The following LAMB4 variants were observed in gnomAD, a reference collection of about 807,000 sequenced individuals.
LAMB4 encodes laminin subunit beta-4.
In LAMB4, 196 loss-of-function variants were observed where a neutral mutation model predicts 199.2. The observed-to-expected ratio is 0.98, with a 90% CI of 0.88 to 1.11. The LOEUF is 1.11. Ranked by LOEUF, LAMB4 falls within the 50% of genes least tolerant of loss-of-function variation. The pLI is 0.00. For synonymous variants in LAMB4, 744 were observed against 770.6 expected (o/e 0.97, Z 0.57); for missense variants, 2,080 against 2,171.2 (o/e 0.96, Z 0.83).
intron 14 of LAMB4, among the ~76,000 whole-genome samples, chr7:108,081,100 C>T (rs921975018): frequency 1.4e-4 from 22 of 152,090 alleles, no homozygotes; most frequent in Non-Finnish European, 2.9e-4. Flanking sequence ...CCAGCCTGGG[C>T]GACAGAGCGA....
intron 28 of LAMB4, among the ~76,000 whole-genome samples, chr7:108,046,995 G>A (rs1181755163): frequency 1.3e-5 from 2 of 151,790 alleles, no homozygotes; most frequent in Non-Finnish European, 2.9e-5. Context: ...TTGAACCCCT[G>A]GGCTCAAGGG....
At chr7:108,082,389 C>G (rs1037277347) in intron 14 of LAMB4, among the ~76,000 whole-genome samples, 1 of 149,982 alleles carries the variant, frequency 6.7e-6, no homozygotes, top group Non-Finnish European at 1.5e-5. Flanking sequence ...GAATTACCAG[C>G]TTAGGTAAAT....
chr7:108,109,019 TCA>T, intron 5 of LAMB4, 150 bp downstream of exon 5: 1 of 617,178 alleles, frequency 1.6e-6, no homozygotes, highest in Non-Finnish European at 2.9e-6. Context: ...TTTTTTTTCT[TCA>T]TGTAAGAGTC....
rs1266972674 is a variant in LAMB4, at chr7:108,062,874, C to T, written c.3182G>A (p.Cys1061Tyr). ...CCAGTATCCATCAGCACAACGGTCA[C>T]AGGCCAGGCCTGTGACATTCGGCAG... ...PCLPNVTGLA[C>Y]DRCADGYWNL... The change falls in exon 23 of 34, where the codon TGT becomes TAT. Residue 1061 changes from cysteine (C) to tyrosine (Y), a missense_variant. By Grantham distance (194) the Cys-to-Tyr change is radical. Transcript: ENST00000388781. The T allele has an allele frequency of 1.9e-6, 3 of 1,596,832 alleles. No individual in the cohort carries two copies. Among genetic ancestry groups the T allele is most frequent in the Non-Finnish European group, 1.7e-6 (2 of 1,172,976 alleles).
chr7:108,047,975 TG>T lies in LAMB4; in HGVS notation c.4258del (p.Gln1420LysfsTer20). 1 of 1,614,226 alleles carries T rather than the reference TG, an allele frequency of 6.2e-7. No individual in the cohort carries two copies. Among genetic ancestry groups the T allele is most frequent in the Non-Finnish European group, 8.5e-7 (1 of 1,180,044 alleles). ...AATGGATTTTGCTTCCTGGGCTTTT[TG>T]GAGGGCATTCGTTGAGAGGGTCAGG... ...GSLTLSTNAL[Q>X]KAQEAKSIIR... On this transcript the variant is annotated frameshift_variant, in exon 28 of 34. Coordinates refer to ENST00000388781, the MANE Select transcript of LAMB4 (RefSeq NM_007356.3). LOFTEE classifies it high-confidence loss of function.
intron 8 of LAMB4, 130 bp downstream of exon 8, chr7:108,105,687 G>T (rs1286616749): frequency 1.0e-5 from 8 of 764,596 alleles, no homozygotes; most frequent in Admixed American, 2.1e-5. Context: ...AGGTTGAATG[G>T]TACCCATCTC....
chr7:108,039,239 T>C (rs1446141982), intron 29 of LAMB4, among the ~76,000 whole-genome samples: 1 of 152,170 alleles, frequency 6.6e-6, no homozygotes, highest in Non-Finnish European at 1.5e-5. Flanking sequence ...CTTACACTGT[T>C]CAGAGAACAG....
chr7:108,040,399 A>T (rs1032497172), intron 29 of LAMB4, among the ~76,000 whole-genome samples: 11 of 152,320 alleles, frequency 7.2e-5, no homozygotes, highest in African/African-American at 2.4e-4. Flanking sequence ...TCACAGAACT[A>T]GAAAATATAT....
intron 15 of LAMB4, among the ~76,000 whole-genome samples, 154 bp downstream of exon 15, chr7:108,079,447 C>T (rs536750024): frequency 6.6e-6 from 1 of 152,302 alleles, no homozygotes; most frequent in South Asian, 2.1e-4. Context: ...GCTTCAATAT[C>T]TTTAGGAAAC....
intron 1 of LAMB4, among the ~76,000 whole-genome samples, chr7:108,129,217 A>G (rs750097793): frequency 6.6e-6 from 1 of 152,236 alleles, no homozygotes; most frequent in African/African-American, 2.4e-5. Flanking sequence ...TCCTAGAACC[A>G]CAGGTGCATC....
chr7:108,052,399 G>A, intron 25 of LAMB4, 142 bp from the exon 26 acceptor site: 1 of 580,944 alleles, frequency 1.7e-6, no homozygotes, highest in South Asian at 2.8e-5. Context: ...TCATTTGACG[G>A]TTTATAATTG....
At chr7:108,091,838 A>G in intron 13 of LAMB4, 62 bp from the exon 14 acceptor site, 1 of 1,550,904 alleles carries the variant, frequency 6.4e-7, no homozygotes, top group Non-Finnish European at 8.8e-7. Context: ...ATGAAGGTGT[A>G]GGGGTGCTGG....
At chr7:108,062,271 A>G (rs1317063367) in intron 23 of LAMB4, 3 of 152,248 alleles carry the variant, frequency 2.0e-5, no homozygotes, top group African/African-American at 7.2e-5. Context: ...CCTGGTACAC[A>G]TGCCTACATT....
Position 108,124,151 on chromosome 7 carries a change from G to C in LAMB4, c.-33-954C>G, listed in dbSNP as rs559406532. The stretch of plus-strand genomic sequence containing the variant: ...CCACCTCAGCCTCCCCAGTAGCAGA[G>C]ACTATAGGCATGTGCCAGCATACCC... On this transcript the variant is annotated intron_variant, in intron 1 of 33. Coordinates refer to ENST00000388781, the MANE Select transcript of LAMB4 (RefSeq NM_007356.3). 3.6e-4 allele frequency among the ~76,000 whole-genome samples: 55 copies of C among 152,252 alleles called. 1 individual carries two copies. The South Asian group carries it at 9.3e-3, about 26-fold the overall frequency.
Position 108,075,819 on chromosome 7 carries a change from G to A in LAMB4, c.2124+1125C>T, listed in dbSNP as rs532994872. ...TACTAAAAATACAAAAATTAGCCAGGTGTGGTGGCGGGTGCCTGTAATCCC... is the reference window on the plus strand; with the variant it reads ...TACTAAAAATACAAAAATTAGCCAGATGTGGTGGCGGGTGCCTGTAATCCC... On this transcript the variant is annotated intron_variant, in intron 17 of 33. Coordinates refer to ENST00000388781, the MANE Select transcript of LAMB4 (RefSeq NM_007356.3). 1.1e-3 allele frequency: 179 copies of A among 157,366 alleles called. 1 individual carries two copies. The highest frequency in any genetic ancestry group is 9.4e-3 in the South Asian group (55 of 5,878). The allele number at this position is 157,366 out of a possible 1,614,324, so 9.7% of individuals were successfully genotyped here. A position where few individuals can be genotyped will look rare whatever the true frequency, so the allele number is the denominator to read the frequency against.
chr7:108,098,801 T>A (rs1232259070), intron 10 of LAMB4, among the ~76,000 whole-genome samples: 1 of 152,204 alleles, frequency 6.6e-6, no homozygotes, highest in South Asian at 2.1e-4. Context: ...TTAAAAGACT[T>A]TTAAATGATT....
intron 20 of LAMB4, 88 bp from the exon 21 acceptor site, chr7:108,066,007 C>A: frequency 7.8e-7 from 1 of 1,281,656 alleles, no homozygotes; most frequent in Admixed American, 2.3e-5. Flanking sequence ...TAAAACAGTG[C>A]ACCTCTGAAA....
In LAMB4 at chr7:108,057,939, A is replaced by C; in HGVS notation, c.3283-11T>G. 6.3e-7 allele frequency: 1 copy of C among 1,593,246 alleles called. No individual in the cohort carries two copies. Among genetic ancestry groups the C allele is most frequent in the Non-Finnish European group, 8.6e-7 (1 of 1,161,202 alleles). ...ACACTGGCCTGTAAGCTGTGAGAAC[A>C]GTCATGGGTGAGGAATTGACAAGTT... On this transcript the variant is annotated splice_polypyrimidine_tract_variant and intron_variant, in intron 23 of 33. Coordinates refer to ENST00000388781, the MANE Select transcript of LAMB4 (RefSeq NM_007356.3).
At chr7:108,116,887 A>G (rs2038426969) in intron 2 of LAMB4, among the ~76,000 whole-genome samples, 1 of 152,186 alleles carries the variant, frequency 6.6e-6, no homozygotes, top group Non-Finnish European at 1.5e-5. Flanking sequence ...ATGAAAAGAA[A>G]TTAGCCAGGC....
Sources: allele counts gnomAD v4.1 joint callset (sites outside exome capture counted in the v4.1 genomes callset), GRCh38; gene constraint gnomAD v4.1.1; transcripts MANE v1.5; gene names NCBI Gene and HGNC (gene_info 2026-07-23, HGNC 2026-07-21).